Variants in PKHD1L1 observed in about 807,000 individuals in gnomAD.
PKHD1L1 encodes the protein PKHD1 like 1.
In PKHD1L1, 434 loss-of-function variants were observed where a neutral mutation model predicts 462.9. The ratio of observed to expected loss-of-function variants is 0.94; its 90% CI spans 0.87 to 1.02. The LOEUF (loss-of-function observed/expected upper bound fraction) is 1.02. PKHD1L1 is among the 50% of genes least tolerant of loss of function. The pLI is 0.00. For synonymous variants in PKHD1L1, 1,781 were observed against 1,750.0 expected, an observed-to-expected ratio of 1.02 and a Z score of -0.44; for missense variants, 5,202 against 5,096.1, an observed-to-expected ratio of 1.02 and a Z score of -0.63.
intron 50 of PKHD1L1, among the ~76,000 whole-genome samples, chr8:109,468,915 G>T (rs1366078456): frequency 6.6e-6 from 1 of 152,140 alleles, no homozygotes; most frequent in Non-Finnish European, 1.5e-5. Context: ...TTTCTACCTA[G>T]GTAATTTGAG....
rs1821095904 is a variant in PKHD1L1 at position 109,533,876 on chromosome 8, T to G, written c.*3786T>G. ...TTTTATGGCTTTTACAATGTCCTTGTGTGAAGAATATTTTTATACCTCTTC... is the reference window on the plus strand; with the variant it reads ...TTTTATGGCTTTTACAATGTCCTTGGGTGAAGAATATTTTTATACCTCTTC... On this transcript the variant is annotated 3_prime_UTR_variant, in exon 78 of 78. Transcript: ENST00000378402. Among the ~76,000 whole-genome samples the G allele has an allele frequency of 6.6e-6, 1 of 152,220 alleles. No individual in the cohort carries two copies. The highest frequency in any genetic ancestry group is 2.1e-4 in the South Asian group (1 of 4,830).
intron 16 of PKHD1L1, among the ~76,000 whole-genome samples, chr8:109,405,824 A>G (rs1586443949): frequency 6.6e-6 from 1 of 152,184 alleles, no homozygotes; most frequent in East Asian, 1.9e-4. Flanking sequence ...ACAAACATGC[A>G]CATCCTGCAC....
chr8:109,476,001 A>T (rs555168602), intron 51 of PKHD1L1, among the ~76,000 whole-genome samples: 11 of 152,096 alleles, frequency 7.2e-5, no homozygotes, highest in Non-Finnish European at 1.5e-4. Context: ...CTCCACCTCT[A>T]ATGGTAGCCA....
In PKHD1L1 at chr8:109,445,570, A is replaced by ATTAACTTATCCACCT. The variant is rs772622459; in HGVS notation, c.5703_5704insAACTTATCCACCTTT (p.Ile1901_Ala1902insAsnLeuSerThrPhe). ...CGATGTTAAAATCTTTGTTAATACA[A>ATTAACTTATCCACCT]TTGCTTATCCACCTTTGCTTTTTAC... is the stretch of plus-strand genomic sequence containing the variant. On this transcript the variant is annotated inframe_insertion, in exon 38 of 78. Transcript: ENST00000378402. 1 of 1,611,824 alleles carries ATTAACTTATCCACCT rather than the reference A, an allele frequency of 6.2e-7. No individual in the cohort carries two copies. The highest frequency in any genetic ancestry group is 1.7e-5 in the Admixed American group (1 of 59,792).
At chr8:109,446,241 G>A (rs536553319) in intron 38 of PKHD1L1, among the ~76,000 whole-genome samples, 4 of 151,896 alleles carry the variant, frequency 2.6e-5, no homozygotes, top group South Asian at 4.2e-4. Context: ...GATTATCTTC[G>A]AGCTATTAGA....
intron 48 of PKHD1L1, among the ~76,000 whole-genome samples, chr8:109,463,566 G>A (rs181221831): frequency 5.0e-4 from 76 of 151,560 alleles, no homozygotes; most frequent in East Asian, 2.1e-3. Context: ...ATGCACACAC[G>A]CACATACACA....
Position 109,447,696 on chromosome 8 carries a change from T to C in PKHD1L1, c.5777-447T>C, listed in dbSNP as rs556626459. Among the ~76,000 whole-genome samples, 243 of 152,316 alleles carry C rather than the reference T, an allele frequency of 1.6e-3. 2 individuals are homozygous for C. Among genetic ancestry groups the C allele is most frequent in the African/African-American group, 5.5e-3 (228 of 41,560 alleles). On this transcript the variant is annotated intron_variant, in intron 38 of 77. Transcript: ENST00000378402. ...ACCAAGTCATACCTATCAAAAATGT[T>C]TGAATTAAGAAAAATGTAGTCTCTC... is the stretch of plus-strand genomic sequence containing the variant.
At chr8:109,450,906 T>A (rs1816451007) in intron 40 of PKHD1L1, 69 bp from the exon 41 acceptor site, 1 of 1,415,608 alleles carries the variant, frequency 7.1e-7, no homozygotes. Context: ...ATTGAAAATG[T>A]TTGGAGGTTT....
rs1459047500 is a variant in PKHD1L1, at chr8:109,531,453, G to A, written c.*1363G>A. Among the ~76,000 whole-genome samples the A allele has an allele frequency of 3.6e-5, 4 of 111,422 alleles. No homozygotes were observed. In the East Asian group the frequency reaches 7.8e-4, roughly 22 times the overall value. 73.1% of individuals were successfully genotyped at this position (111,422 alleles called of 152,430 possible). ...TCTCAGGGAGAGAGAGACAGAGAAA[G>A]ACAGAGAGATAGAGACAGAGACAGA... is the stretch of plus-strand genomic sequence containing the variant. On this transcript the variant is annotated 3_prime_UTR_variant, in exon 78 of 78. Coordinates refer to ENST00000378402, the MANE Select transcript of PKHD1L1 (RefSeq NM_177531.6).
At chr8:109,405,251 A>G in intron 16 of PKHD1L1, 121 bp downstream of exon 16, 1 of 588,304 alleles carries the variant, frequency 1.7e-6, no homozygotes, top group Non-Finnish European at 2.6e-6. Context: ...TGCTAGACAA[A>G]GAAGCAGAAA....
At chr8:109,444,017 T>C (rs1292268604) in intron 37 of PKHD1L1, 115 bp downstream of exon 37, 4 of 868,944 alleles carry the variant, frequency 4.6e-6, no homozygotes, top group Non-Finnish European at 5.3e-6. Context: ...TCACATACCA[T>C]ACAATTCACC....
At chr8:109,398,873 AT>A (rs1443072380) in intron 12 of PKHD1L1, among the ~76,000 whole-genome samples, 1 of 152,142 alleles carries the variant, frequency 6.6e-6, no homozygotes, top group Non-Finnish European at 1.5e-5. Flanking sequence ...CTACATAGAA[AT>A]TTTTTAAATG....
At chr8:109,385,326 CACTTCTT>C (rs886563639) in intron 5 of PKHD1L1, among the ~76,000 whole-genome samples, 3 of 151,270 alleles carry the variant, frequency 2.0e-5, no homozygotes, top group African/African-American at 7.3e-5. Context: ...TTCTATGCTA[CACTTCTT>C]TACTCAATGA....
At chr8:109,426,021 T>G (rs2130669784) in intron 24 of PKHD1L1, among the ~76,000 whole-genome samples, 1 of 152,264 alleles carries the variant, frequency 6.6e-6, no homozygotes, top group Admixed American at 6.5e-5. Context: ...AATAAACATT[T>G]TGGTGTACTC....
rs888795701 is a variant in PKHD1L1 at position 109,530,677 on chromosome 8, G to T, written c.*587G>T. Among the ~76,000 whole-genome samples the T allele has an allele frequency of 1.3e-5, 2 of 151,998 alleles. No individual in the cohort carries two copies. Among genetic ancestry groups the T allele is most frequent in the African/African-American group, 2.4e-5 (1 of 41,368 alleles). ...AATTCTAGACTGTCCTGTATTTCTG[G>T]ATCTGCCCAACTCTGGCCAATATTG... On this transcript the variant is annotated 3_prime_UTR_variant, in exon 78 of 78. Transcript: ENST00000378402.
Position 109,530,472 on chromosome 8 carries a change from A to AGG in PKHD1L1, c.*390_*391dup, listed in dbSNP as rs36106650. ...TTTTAAGTATTCTTTTTAATACTTG[A>AGG]GGGGGGGGGTTCTTATTTTCTCTAT... On this transcript the variant is annotated 3_prime_UTR_variant, in exon 78 of 78. Transcript: ENST00000378402. 8 of 151,344 alleles carry AGG rather than the reference A, an allele frequency of 5.3e-5. No individual in the cohort carries two copies. The highest frequency in any genetic ancestry group is 9.8e-5 in the African/African-American group (4 of 40,720). The allele number at this position is 151,344 out of a possible 1,614,324, so 9.4% of individuals were successfully genotyped here. A position where few individuals can be genotyped will look rare whatever the true frequency, so the allele number is the denominator to read the frequency against.
intron 14 of PKHD1L1, among the ~76,000 whole-genome samples, chr8:109,402,451 C>A (rs536744981): frequency 1.5e-4 from 23 of 152,232 alleles, no homozygotes; most frequent in African/African-American, 5.5e-4. Context: ...ATATTTGGGG[C>A]ATCCCATTGC....
chr8:109,397,651 C>T (rs1178257189), intron 11 of PKHD1L1, among the ~76,000 whole-genome samples: 1 of 152,164 alleles, frequency 6.6e-6, no homozygotes, highest in East Asian at 1.9e-4. Context: ...GATCATGCCA[C>T]TGCACTCCAG....
At chr8:109,408,268 C>T in intron 18 of PKHD1L1, 62 bp downstream of exon 18, 2 of 1,431,964 alleles carry the variant, frequency 1.4e-6, no homozygotes, top group Non-Finnish European at 1.9e-6. Flanking sequence ...CATTCATGGG[C>T]CATTTGTAGA....
Sources: allele counts gnomAD v4.1 joint callset (sites outside exome capture counted in the v4.1 genomes callset), GRCh38; gene constraint gnomAD v4.1.1; transcripts MANE v1.5; gene names NCBI Gene and HGNC (gene_info 2026-07-23, HGNC 2026-07-21).